RGPD4: variants seen among roughly 807,000 people sequenced by gnomAD.
RGPD4 encodes the protein RANBP2 like and GRIP domain containing 4, also known as ranBP2-like and GRIP domain-containing protein 4.
In RGPD4, 84 loss-of-function variants were observed where a neutral mutation model predicts 141.1. The ratio of observed to expected loss-of-function variants is 0.60; its 90% CI spans 0.50 to 0.71. The LOEUF is 0.71. RGPD4 is among the 30% of genes least tolerant of loss of function. The probability of loss-of-function intolerance (pLI) is 0.00; values close to 1 mark genes in which losing one functional copy is unlikely to be tolerated. For synonymous variants in RGPD4, 298 were observed against 566.8 expected (o/e 0.53, Z 6.74); for missense variants, 918 against 1,622.4 (o/e 0.57, Z 7.46).
At chr2:107,846,744 A>T (rs549909325) in intron 6 of RGPD4, among the ~76,000 whole-genome samples, 30 of 151,378 alleles carry the variant, frequency 2.0e-4, no homozygotes, top group African/African-American at 6.8e-4. Context: ...CTGGAATTAC[A>T]TGTGTGAGCC....
intron 20 of RGPD4, among the ~76,000 whole-genome samples, chr2:107,877,068 G>A (rs1683110807): frequency 6.6e-6 from 1 of 151,796 alleles, no homozygotes; most frequent in Non-Finnish European, 1.5e-5. Context: ...ACATGTCAAA[G>A]GGCCTGGTAA....
chr2:107,873,072 C>T (rs1345871508), intron 20 of RGPD4, 144 bp downstream of exon 20: 1 of 642,934 alleles, frequency 1.6e-6, no homozygotes, highest in African/African-American at 3.5e-5. Context: ...TTTTTTTTCT[C>T]CCTTAATAAG....
chr2:107,883,394 G>A (rs1283506667), intron 22 of RGPD4, among the ~76,000 whole-genome samples: 1 of 151,494 alleles, frequency 6.6e-6, no homozygotes, highest in Non-Finnish European at 1.5e-5. Flanking sequence ...CACTTTGGGA[G>A]GCCGAGGCAG....
intron 1 of RGPD4, among the ~76,000 whole-genome samples, chr2:107,827,797 G>C (rs1175191382): frequency 1.0e-4 from 3 of 29,672 alleles, no homozygotes; most frequent in African/African-American, 5.9e-4. Context: ...CGGCGGCCTC[G>C]ACCCGGCCCG....
At chr2:107,845,499 T>G (rs72942812) in intron 6 of RGPD4, among the ~76,000 whole-genome samples, 5,081 of 145,604 alleles carry the variant, frequency 0.035, 292 homozygotes, top group African/African-American at 0.13. Flanking sequence ...CATGAGGGGT[T>G]ACTTGGGGGC....
chr2:107,878,282 A>C (rs1168396013), intron 20 of RGPD4, among the ~76,000 whole-genome samples: 1 of 151,726 alleles, frequency 6.6e-6, no homozygotes, highest in East Asian at 1.9e-4. Context: ...CTTTAAAAAA[A>C]ATCTAATAGG....
chr2:107,834,171 C>T (rs2912729), intron 1 of RGPD4, among the ~76,000 whole-genome samples: 10 of 151,404 alleles, frequency 6.6e-5, no homozygotes, highest in Admixed American at 3.3e-4. Context: ...CATTGAGCAA[C>T]GTTTTGTAAT....
At chr2:107,880,151 T>C in intron 21 of RGPD4, 44 bp downstream of exon 21, 2 of 1,611,438 alleles carry the variant, frequency 1.2e-6, no homozygotes, top group Non-Finnish European at 8.5e-7. Flanking sequence ...GCCAATTTGG[T>C]TTTCTGGACC....
At chr2:107,884,237 A>G (rs1675446541) in intron 22 of RGPD4, among the ~76,000 whole-genome samples, 3 of 152,014 alleles carry the variant, frequency 2.0e-5, no homozygotes, top group South Asian at 2.1e-4. Flanking sequence ...CGGCCTCCCA[A>G]GTAGCTGGGA....
At chr2:107,887,053 G>A (rs832344) in intron 22 of RGPD4, among the ~76,000 whole-genome samples, 2,068 of 147,606 alleles carry the variant, frequency 0.014, 36 homozygotes, top group African/African-American at 0.05. Flanking sequence ...AATCAGCCTG[G>A]GCAACATGGC....
At chr2:107,880,259 CTTTTT>C (rs58305715) in intron 21 of RGPD4, among the ~76,000 whole-genome samples, 152 bp downstream of exon 21, 128 of 48,178 alleles carry the variant, frequency 2.7e-3, no homozygotes, top group African/African-American at 0.012. Context: ...GAAATATTGC[CTTTTT>C]TTTTTTTTTT....
intron 1 of RGPD4, among the ~76,000 whole-genome samples, chr2:107,835,654 G>C (rs1681643371): frequency 6.8e-6 from 1 of 147,506 alleles, no homozygotes; most frequent in Admixed American, 6.8e-5. Context: ...AAAGAAAGCT[G>C]GTTTCTTTTG....
chr2:107,880,647 G>C (rs1221795871), intron 21 of RGPD4, among the ~76,000 whole-genome samples: 18 of 149,966 alleles, frequency 1.2e-4, no homozygotes, highest in African/African-American at 4.2e-4. Flanking sequence ...TTAGAAACTA[G>C]AGAGATGTTC....
chr2:107,882,715 A>G lies in RGPD4; in HGVS notation c.5108A>G (p.Gln1703Arg), dbSNP rs747755931. 20 of 1,611,560 alleles carry G rather than the reference A, an allele frequency of 1.2e-5. No homozygotes were observed. The highest frequency in any genetic ancestry group is 2.7e-5 in the African/African-American group (2 of 74,524). Residue 1703 changes from glutamine to arginine, a missense_variant, in exon 22 of 23, where the codon CAA (glutamine) becomes CGA (arginine). Gln to Arg is a conservative substitution (Grantham distance 43). Coordinates refer to ENST00000408999, the MANE Select transcript of RGPD4 (RefSeq NM_182588.3). The part of the protein sequence containing the change: ...EIRRLERNQE[Q>R]EESAANVEHL... ...AGAAGATTGGAAAGGAATCAAGAGC[A>G]AGAGGAGTCTGCAGCTAACGTGGAA...
intron 22 of RGPD4, among the ~76,000 whole-genome samples, chr2:107,889,122 T>C (rs969759907): frequency 6.7e-6 from 1 of 150,356 alleles, no homozygotes; most frequent in Non-Finnish European, 1.5e-5. Context: ...GTCATACATA[T>C]ATACGTATGA....
At chr2:107,833,206 A>T (rs985788204) in intron 1 of RGPD4, among the ~76,000 whole-genome samples, 3 of 151,188 alleles carry the variant, frequency 2.0e-5, no homozygotes, top group Non-Finnish European at 4.4e-5. Flanking sequence ...ACTGTGCAAG[A>T]TGGGTGACAG....
intron 1 of RGPD4, among the ~76,000 whole-genome samples, chr2:107,829,563 C>A (rs1187606145): frequency 3.4e-5 from 5 of 146,822 alleles, no homozygotes; most frequent in South Asian, 2.1e-4. Context: ...GCGGCGGCCT[C>A]GATGGCTCAG....
chr2:107,885,073 C>A (rs923113927), intron 22 of RGPD4, among the ~76,000 whole-genome samples: 3 of 152,054 alleles, frequency 2.0e-5, no homozygotes, highest in Non-Finnish European at 2.9e-5. Context: ...GTTTCTATAG[C>A]CACAATAGTA....
rs753049768 is a variant in RGPD4 at position 107,861,590 on chromosome 2, A to G, written c.2059-4A>G. On this transcript the variant is annotated splice_polypyrimidine_tract_variant and splice_region_variant and intron_variant, in intron 14 of 22. Transcript: ENST00000408999. ...ATGATTTCATAAAAGCATTATTTGT[A>G]TAGATTTTTCACAGGAAGGCAGAAG... 3.1e-6 allele frequency: 5 copies of G among 1,610,948 alleles called. No homozygotes were observed. The highest frequency in any genetic ancestry group is 1.7e-5 in the Admixed American group (1 of 59,918).
Sources: allele counts gnomAD v4.1 joint callset (sites outside exome capture counted in the v4.1 genomes callset), GRCh38; gene constraint gnomAD v4.1.1; transcripts MANE v1.5; gene names NCBI Gene and HGNC (gene_info 2026-07-23, HGNC 2026-07-21).